ZBTB20: variants seen among roughly 807,000 people sequenced by gnomAD.
ZBTB20 encodes zinc finger and BTB domain containing 20, also known as zinc finger and BTB domain-containing protein 20.
Under a neutral mutation model 56.9 loss-of-function variants are expected in ZBTB20, and 9 were observed. The observed-to-expected ratio is 0.16, with a 90% CI of 0.10 to 0.28. The LOEUF is 0.28. Ranked by LOEUF, ZBTB20 falls within the 10% of genes least tolerant of loss-of-function variation. The probability of loss-of-function intolerance (pLI) is 1.00; values close to 1 mark genes in which losing one functional copy is unlikely to be tolerated. For missense variants in ZBTB20, 655 were observed against 1,003.0 expected (o/e 0.65, Z 4.69); for synonymous variants, 417 against 420.7 (o/e 0.99, Z 0.11).
At chr3:114,938,934 A>G (rs1439709401) in intron 3 of ZBTB20, among the ~76,000 whole-genome samples, 1 of 145,732 alleles carries the variant, frequency 6.9e-6, no homozygotes, top group Non-Finnish European at 1.5e-5. Flanking sequence ...CCATGTTGGT[A>G]GGGAGTCCCT....
intron 7 of ZBTB20, among the ~76,000 whole-genome samples, chr3:114,491,946 A>C (rs1014227467): frequency 4.1e-4 from 63 of 152,184 alleles, no homozygotes; most frequent in Admixed American, 4.1e-3. Flanking sequence ...AATTAATATA[A>C]GCAATATATA....
At chr3:114,817,175 TATATTTATACAACTTATAC>T (rs2072976904) in intron 4 of ZBTB20, among the ~76,000 whole-genome samples, 1 of 144,136 alleles carries the variant, frequency 6.9e-6, no homozygotes, top group African/African-American at 2.6e-5. Flanking sequence ...CTATATGAAA[TATATTTATACAACTTATAC>T]ACACACACAC....
chr3:114,822,119 G>A (rs73228341), intron 4 of ZBTB20, among the ~76,000 whole-genome samples: 179 of 152,110 alleles, frequency 1.2e-3, no homozygotes, highest in Middle Eastern at 3.4e-3. Flanking sequence ...TGCGTTAGAT[G>A]CAACAATATT....
intron 1 of ZBTB20, among the ~76,000 whole-genome samples, chr3:115,077,931 G>A (rs911825830): frequency 2.6e-5 from 4 of 152,062 alleles, no homozygotes; most frequent in Admixed American, 1.3e-4. Flanking sequence ...AGCTTACCAC[G>A]GTATTTCTCT....
intron 5 of ZBTB20, among the ~76,000 whole-genome samples, chr3:114,714,295 G>A (rs1403185610): frequency 3.3e-5 from 5 of 152,108 alleles, no homozygotes; most frequent in Admixed American, 1.3e-4. Context: ...CATGCTTCAG[G>A]GCAAAACCTT....
At chr3:114,915,853 T>C (rs781692417) in intron 3 of ZBTB20, among the ~76,000 whole-genome samples, 3 of 152,094 alleles carry the variant, frequency 2.0e-5, no homozygotes, top group African/African-American at 7.2e-5. Flanking sequence ...TTAATTTCCA[T>C]GTGTCTGTAT....
chr3:114,823,208 T>C (rs2108926650), intron 4 of ZBTB20, among the ~76,000 whole-genome samples: 1 of 152,210 alleles, frequency 6.6e-6, no homozygotes, highest in South Asian at 2.1e-4. Flanking sequence ...ATTTGGCCTG[T>C]GCTCTATAGG....
chr3:114,470,058 C>A (rs1389895854), intron 7 of ZBTB20, among the ~76,000 whole-genome samples: 1 of 152,088 alleles, frequency 6.6e-6, no homozygotes, highest in Non-Finnish European at 1.5e-5. Flanking sequence ...AACAATATTT[C>A]CACTTGGAAA....
intron 3 of ZBTB20, among the ~76,000 whole-genome samples, chr3:114,966,532 T>C (rs1167993630): frequency 2.0e-5 from 3 of 152,164 alleles, no homozygotes; most frequent in African/African-American, 7.2e-5. Flanking sequence ...AAGAGATAGA[T>C]GTTATTTTTT....
intron 6 of ZBTB20, among the ~76,000 whole-genome samples, chr3:114,621,112 C>T (rs1274266): frequency 0.16 from 23,589 of 152,106 alleles, 2,129 homozygotes; most frequent in African/African-American, 0.24. Context: ...TTTCTTTCTA[C>T]TTAATTTTAA....
intron 6 of ZBTB20, among the ~76,000 whole-genome samples, chr3:114,576,794 C>CGGAG (rs140299220): frequency 6.6e-6 from 1 of 151,214 alleles, no homozygotes; most frequent in African/African-American, 2.4e-5. Context: ...TCAAAAAAGA[C>CGGAG]AGAGAGTGAG....
At chr3:114,450,824 C>T (rs553154883) in intron 7 of ZBTB20, among the ~76,000 whole-genome samples, 41 of 151,990 alleles carry the variant, frequency 2.7e-4, no homozygotes, top group Non-Finnish European at 5.4e-4. Context: ...AACATCGGCA[C>T]AATTCATCTG....
intron 5 of ZBTB20, among the ~76,000 whole-genome samples, chr3:114,797,545 C>G (rs1186380860): frequency 6.6e-6 from 1 of 151,720 alleles, no homozygotes; most frequent in Non-Finnish European, 1.5e-5. Context: ...AAGAAAGATG[C>G]GATTTTCCCA....
chr3:114,443,337 A>G (rs2091051160), intron 7 of ZBTB20, among the ~76,000 whole-genome samples: 1 of 152,164 alleles, frequency 6.6e-6, no homozygotes, highest in Non-Finnish European at 1.5e-5. Context: ...TAATCACATG[A>G]ACCAGAAATA....
chr3:115,133,892 C>G lies in ZBTB20; in HGVS notation c.-703+13327G>C, dbSNP rs190817721. Reference sequence around the variant, plus strand: ...GCTATCACTTCTCTTGAGTATATACCTCAGAGTGGAATTGACAGGCTCATT... The same window carrying G: ...GCTATCACTTCTCTTGAGTATATACGTCAGAGTGGAATTGACAGGCTCATT... On this transcript the variant is annotated intron_variant, in intron 1 of 11. Transcript: ENST00000675478. Among the ~76,000 whole-genome samples the G allele has an allele frequency of 5.4e-4, 82 of 152,206 alleles. No individual in the cohort carries two copies. The South Asian group carries it at 5.6e-3, about 10-fold the overall frequency.
intron 5 of ZBTB20, among the ~76,000 whole-genome samples, chr3:114,789,250 G>A (rs2070769493): frequency 6.6e-6 from 1 of 152,160 alleles, no homozygotes; most frequent in Non-Finnish European, 1.5e-5. Context: ...GATACATAGA[G>A]CTGTATTATG....
intron 2 of ZBTB20, among the ~76,000 whole-genome samples, chr3:115,037,425 C>T (rs1358797919): frequency 6.6e-6 from 1 of 152,138 alleles, no homozygotes; most frequent in Admixed American, 6.5e-5. Context: ...GCTGGGATTA[C>T]AGGCTTGCAC....
chr3:115,092,193 C>G (rs973875475), intron 1 of ZBTB20, among the ~76,000 whole-genome samples: 1 of 152,066 alleles, frequency 6.6e-6, no homozygotes, highest in Non-Finnish European at 1.5e-5. Context: ...AATTTTGGTA[C>G]AGCTACTACG....
chr3:115,123,276 C>T (rs1210696702), intron 1 of ZBTB20, among the ~76,000 whole-genome samples: 1 of 152,094 alleles, frequency 6.6e-6, no homozygotes, highest in Non-Finnish European at 1.5e-5. Context: ...AAACTTCTTT[C>T]CCTATACCAT....
Sources: allele counts gnomAD v4.1 joint callset (sites outside exome capture counted in the v4.1 genomes callset), GRCh38; gene constraint gnomAD v4.1.1; transcripts MANE v1.5; gene names NCBI Gene and HGNC (gene_info 2026-07-23, HGNC 2026-07-21).